NRXN3: variants seen among roughly 807,000 people sequenced by gnomAD.
The protein encoded by NRXN3 is neurexin III.
NRXN3 carries 32 observed loss-of-function variants against 137.6 expected under a neutral mutation model. That is an observed-to-expected ratio of 0.23 (90% CI 0.18 to 0.31). The LOEUF (loss-of-function observed/expected upper bound fraction) is 0.31, where lower values mean the gene tolerates loss of function less well. NRXN3 is among the 10% of genes least tolerant of loss of function. The probability of loss-of-function intolerance (pLI) is 1.00; values close to 1 mark genes in which losing one functional copy is unlikely to be tolerated. For missense variants in NRXN3, 1,574 were observed against 2,062.5 expected, an observed-to-expected ratio of 0.76 and a Z score of 4.59; for synonymous variants, 798 against 784.5, an observed-to-expected ratio of 1.02 and a Z score of -0.29.
intron 15 of NRXN3, among the ~76,000 whole-genome samples, chr14:79,310,725 C>G (rs1046976714): frequency 8.9e-6 from 1 of 112,044 alleles, no homozygotes; most frequent in Non-Finnish European, 1.7e-5. Context: ...CATGATTTGG[C>G]TCTCTGTTTG....
At chr14:79,259,333 G>A (rs2077211372) in intron 15 of NRXN3, among the ~76,000 whole-genome samples, 1 of 151,904 alleles carries the variant, frequency 6.6e-6, no homozygotes, top group Non-Finnish European at 1.5e-5. Flanking sequence ...CTATCTTCCA[G>A]CTTTTTTTTC....
At position 78,966,013 on chromosome 14, in the gene NRXN3, C is replaced by A; in HGVS notation, c.2396-12C>A. On this transcript the variant is annotated splice_polypyrimidine_tract_variant and intron_variant, in intron 11 of 20. Coordinates refer to ENST00000335750, the MANE Select transcript of NRXN3 (RefSeq NM_001330195.2). ...AACTTTTCTGTTTGTACCTCATTTACAATTTTCACAGGTACAATGGTGGGA... is the reference window on the plus strand; with the variant it reads ...AACTTTTCTGTTTGTACCTCATTTAAAATTTTCACAGGTACAATGGTGGGA... 6.2e-7 allele frequency: 1 copy of A among 1,608,144 alleles called. No homozygotes were observed. The highest frequency in any genetic ancestry group is 1.7e-4 in the Middle Eastern group (1 of 6,010).
intron 8 of NRXN3, among the ~76,000 whole-genome samples, chr14:78,741,603 A>G (rs1232311129): frequency 6.6e-6 from 1 of 152,204 alleles, no homozygotes; most frequent in Non-Finnish European, 1.5e-5. Flanking sequence ...CATGAAAAGC[A>G]TATGTTCATG....
chr14:79,291,816 C>T (rs941535168), intron 15 of NRXN3, among the ~76,000 whole-genome samples: 4 of 151,628 alleles, frequency 2.6e-5, no homozygotes, highest in African/African-American at 9.7e-5. Context: ...AAGTGGTATT[C>T]TTAAATGGAA....
chr14:78,555,981 G>A (rs1303347145), intron 4 of NRXN3, among the ~76,000 whole-genome samples: 1 of 152,174 alleles, frequency 6.6e-6, no homozygotes, highest in Admixed American at 6.5e-5. Flanking sequence ...GTTGAAATGT[G>A]AGATTGGTAT....
intron 4 of NRXN3, among the ~76,000 whole-genome samples, chr14:78,335,040 C>T (rs1255579636): frequency 1.3e-5 from 2 of 152,036 alleles, no homozygotes; most frequent in African/African-American, 2.4e-5. Flanking sequence ...TGAGGGGAGG[C>T]GTCATCCCAG....
chr14:79,122,314 TGA>T (rs2055589486), intron 15 of NRXN3, among the ~76,000 whole-genome samples: 1 of 152,286 alleles, frequency 6.6e-6, no homozygotes, highest in East Asian at 1.9e-4. Context: ...CACTGCAGGC[TGA>T]GGGAAGCTTG....
chr14:79,198,549 A>C (rs2065454587), intron 15 of NRXN3, among the ~76,000 whole-genome samples: 1 of 152,254 alleles, frequency 6.6e-6, no homozygotes, highest in Admixed American at 6.5e-5. Flanking sequence ...ATTACTCTTA[A>C]TGCTAAAGGG....
intron 16 of NRXN3, among the ~76,000 whole-genome samples, chr14:79,529,872 G>A (rs1456030262): frequency 1.3e-5 from 2 of 152,152 alleles, no homozygotes; most frequent in Admixed American, 6.6e-5. Context: ...ATCATGCCAA[G>A]CAAAGTCGAA....
At chr14:78,844,611 G>T (rs2099021419) in intron 10 of NRXN3, among the ~76,000 whole-genome samples, 1 of 152,182 alleles carries the variant, frequency 6.6e-6, no homozygotes, top group African/African-American at 2.4e-5. Context: ...TATATGTAAA[G>T]TTACCTAACC....
intron 16 of NRXN3, among the ~76,000 whole-genome samples, chr14:79,487,256 A>G (rs181018384): frequency 3.3e-5 from 5 of 152,048 alleles, no homozygotes; most frequent in African/African-American, 1.2e-4. Context: ...TATTTTTATT[A>G]TTTTATTCTA....
At chr14:79,219,363 CA>C (rs1287680821) in intron 15 of NRXN3, among the ~76,000 whole-genome samples, 1 of 152,136 alleles carries the variant, frequency 6.6e-6, no homozygotes, top group Non-Finnish European at 1.5e-5. Flanking sequence ...CTCCTGGCCT[CA>C]AGCAGCCCTT....
intron 15 of NRXN3, among the ~76,000 whole-genome samples, chr14:79,096,972 G>A (rs2050459426): frequency 6.6e-6 from 1 of 151,586 alleles, no homozygotes; most frequent in East Asian, 1.9e-4. Flanking sequence ...CCTTATGGCA[G>A]CCTTTATGCT....
chr14:78,680,248 G>A (rs1398327180), intron 6 of NRXN3, among the ~76,000 whole-genome samples: 1 of 152,034 alleles, frequency 6.6e-6, no homozygotes, highest in East Asian at 1.9e-4. Context: ...TGGGAAGAGG[G>A]AGAGGATCAT....
intron 20 of NRXN3, among the ~76,000 whole-genome samples, chr14:79,828,378 G>C (rs1404024736): frequency 6.6e-6 from 1 of 152,018 alleles, no homozygotes; most frequent in African/African-American, 2.4e-5. Flanking sequence ...CCAGCACTTT[G>C]GGAGGCTGAG....
At chr14:78,242,162 A>T (rs1378508582) in intron 1 of NRXN3, among the ~76,000 whole-genome samples, 2 of 152,152 alleles carry the variant, frequency 1.3e-5, no homozygotes, top group East Asian at 3.9e-4. Context: ...GATTTTTATT[A>T]TTTTTACATA....
chr14:79,832,435 C>T (rs549801474), intron 20 of NRXN3, among the ~76,000 whole-genome samples: 26 of 152,134 alleles, frequency 1.7e-4, no homozygotes, highest in Non-Finnish European at 3.4e-4. Context: ...GACCCTGAGC[C>T]GGTGCCTTAA....
At chr14:78,564,694 T>G (rs565762446) in intron 4 of NRXN3, among the ~76,000 whole-genome samples, 5 of 152,324 alleles carry the variant, frequency 3.3e-5, no homozygotes, top group African/African-American at 1.2e-4. Flanking sequence ...CCTACTAATC[T>G]TTATATCCTT....
chr14:79,362,048 C>T (rs1328583232), intron 15 of NRXN3, among the ~76,000 whole-genome samples: 1 of 145,862 alleles, frequency 6.9e-6, no homozygotes, highest in Non-Finnish European at 1.5e-5. Context: ...CAACCTCTGC[C>T]TCCAGGTTTC....
Sources: allele counts gnomAD v4.1 joint callset (sites outside exome capture counted in the v4.1 genomes callset), GRCh38; gene constraint gnomAD v4.1.1; transcripts MANE v1.5; gene names NCBI Gene and HGNC (gene_info 2026-07-23, HGNC 2026-07-21).